The following CCDC170 variants were observed in gnomAD, a reference collection of about 807,000 sequenced individuals.
CCDC170 encodes coiled-coil domain-containing protein 170.
CCDC170 carries 69 observed loss-of-function variants against 72.6 expected under a neutral mutation model. The ratio of observed to expected loss-of-function variants is 0.95; its 90% CI spans 0.78 to 1.16. The LOEUF is 1.16. CCDC170 is among the 50% of genes most tolerant of loss of function. The pLI is 0.00. For synonymous variants in CCDC170, 300 were observed against 303.9 expected (o/e 0.99, Z 0.13); for missense variants, 852 against 832.5 (o/e 1.02, Z -0.29).
At chr6:151,509,414 T>C (rs988910382) in intron 1 of CCDC170, among the ~76,000 whole-genome samples, 2 of 152,160 alleles carry the variant, frequency 1.3e-5, no homozygotes, top group African/African-American at 4.8e-5. Context: ...CCCATGGAGG[T>C]AGATCCTGTA....
At chr6:151,510,261 TACTC>T (rs1288126301) in intron 1 of CCDC170, among the ~76,000 whole-genome samples, 2 of 152,234 alleles carry the variant, frequency 1.3e-5, no homozygotes, top group Admixed American at 6.5e-5. Context: ...TATTTACTGA[TACTC>T]AGTCACTGGG....
At chr6:151,522,997 A>G (rs568487214) in intron 1 of CCDC170, among the ~76,000 whole-genome samples, 22 of 151,970 alleles carry the variant, frequency 1.4e-4, no homozygotes, top group Non-Finnish European at 3.2e-4. Context: ...AGATCCAAGA[A>G]CCCTCTCTTG....
chr6:151,525,555 C>T (rs1036106427), intron 1 of CCDC170, among the ~76,000 whole-genome samples: 3 of 152,166 alleles, frequency 2.0e-5, no homozygotes, highest in African/African-American at 4.8e-5. Flanking sequence ...TCTCCCCACC[C>T]TTGAGAATGT....
chr6:151,557,022 T>C (rs959258483), intron 5 of CCDC170, among the ~76,000 whole-genome samples: 1 of 152,184 alleles, frequency 6.6e-6, no homozygotes, highest in Non-Finnish European at 1.5e-5. Flanking sequence ...CTCAACATAA[T>C]GACCTCTCAT....
intron 5 of CCDC170, among the ~76,000 whole-genome samples, chr6:151,556,705 C>G (rs563384301): frequency 6.6e-6 from 1 of 152,164 alleles, no homozygotes; most frequent in South Asian, 2.1e-4. Flanking sequence ...TCTTCATCAC[C>G]TCAACTATTT....
chr6:151,502,540 A>G (rs898314778), intron 1 of CCDC170, among the ~76,000 whole-genome samples: 1 of 152,210 alleles, frequency 6.6e-6, no homozygotes, highest in African/African-American at 2.4e-5. Context: ...AGAAGGAACA[A>G]TTTTAAGACT....
chr6:151,555,103 C>T (rs779550360), intron 5 of CCDC170, among the ~76,000 whole-genome samples: 2 of 151,774 alleles, frequency 1.3e-5, no homozygotes, highest in Non-Finnish European at 2.9e-5. Flanking sequence ...AGGCTGGTCT[C>T]GAACTCCTGA....
rs1776998169 is a variant in CCDC170, at chr6:151,618,056, A to G, written c.2057A>G (p.His686Arg). ...TGTCTTGAAAGATTGGTCCATTCACATCAGCATCACTTTGTTACCTGTGCC... is the reference window on the plus strand; with the variant it reads ...TGTCTTGAAAGATTGGTCCATTCACGTCAGCATCACTTTGTTACCTGTGCC... ...IKCLERLVHSHQHHFVTCACL... is the reference protein window; with the variant it reads ...IKCLERLVHSRQHHFVTCACL... Residue 686 changes from histidine to arginine, a missense_variant, in exon 11 of 11, where the codon CAT becomes CGT. By Grantham distance (29) the His-to-Arg change is conservative. Coordinates refer to ENST00000239374, the MANE Select transcript of CCDC170 (RefSeq NM_025059.4). 1 of 1,614,178 alleles carries G rather than the reference A, an allele frequency of 6.2e-7. No individual in the cohort carries two copies. Among genetic ancestry groups the G allele is most frequent in the South Asian group, 1.1e-5 (1 of 91,072 alleles).
Position 151,573,187 on chromosome 6 carries a change from C to A in CCDC170, c.788C>A (p.Ala263Asp). 6.2e-7 allele frequency: 1 copy of A among 1,613,344 alleles called. No homozygotes were observed. Among genetic ancestry groups the A allele is most frequent in the African/African-American group, 1.3e-5 (1 of 74,976 alleles). Reference protein sequence around the residue: ...KEKLNQDLLSAVEAKEALERE... With the variant: ...KEKLNQDLLSDVEAKEALERE... ...TAATCATTTTAGGACCTGCTCAGTG[C>A]TGTAGAAGCAAAAGAAGCTCTTGAA... The change falls in exon 6 of 11, where the codon GCT becomes GAT. Residue 263 changes from alanine to aspartate, a missense_variant. Ala to Asp is a moderately radical substitution (Grantham distance 126, BLOSUM62 -2). Transcript: ENST00000239374.
chr6:151,599,429 A>G (rs1024589078), intron 9 of CCDC170, among the ~76,000 whole-genome samples: 5 of 152,178 alleles, frequency 3.3e-5, no homozygotes, highest in Non-Finnish European at 5.9e-5. Context: ...GTAGAGGATG[A>G]GGATGAGTGA....
At chr6:151,534,368 T>TAA (rs111382775) in intron 1 of CCDC170, among the ~76,000 whole-genome samples, 2 of 146,258 alleles carry the variant, frequency 1.4e-5, no homozygotes, top group African/African-American at 2.5e-5. Context: ...CTTCTTTTCT[T>TAA]AAAAAAAAAA....
chr6:151,593,432 C>A, intron 8 of CCDC170, 152 bp downstream of exon 8: 1 of 842,138 alleles, frequency 1.2e-6, no homozygotes, highest in Non-Finnish European at 1.8e-6. Context: ...AATTTCAAGT[C>A]TGAAGAGTTG....
intron 1 of CCDC170, among the ~76,000 whole-genome samples, chr6:151,506,776 G>A (rs1320894292): frequency 6.6e-6 from 1 of 152,206 alleles, no homozygotes; most frequent in African/African-American, 2.4e-5. Flanking sequence ...TGAAAGTAAA[G>A]TAGATGGCCC....
At chr6:151,543,539 A>T (rs1366300021) in intron 3 of CCDC170, among the ~76,000 whole-genome samples, 1 of 152,130 alleles carries the variant, frequency 6.6e-6, no homozygotes, top group African/African-American at 2.4e-5. Context: ...GAACACTAGA[A>T]CTTACCCCTG....
At chr6:151,592,696 A>G (rs1776560677) in intron 7 of CCDC170, among the ~76,000 whole-genome samples, 2 of 152,174 alleles carry the variant, frequency 1.3e-5, no homozygotes, top group Non-Finnish European at 2.9e-5. Flanking sequence ...ATTCAGGATG[A>G]GATATGAGTG....
chr6:151,615,809 G>C (rs1335797748), intron 10 of CCDC170, 130 bp downstream of exon 10: 1 of 714,224 alleles, frequency 1.4e-6, no homozygotes, highest in East Asian at 2.5e-5. Context: ...GTATGTCATC[G>C]TTTTACGAGG....
Position 151,499,612 on chromosome 6 carries a change from A to G in CCDC170, c.57+5427A>G, listed in dbSNP as rs556880195. 1.3e-5 allele frequency among the ~76,000 whole-genome samples: 2 copies of G among 148,492 alleles called. 1 individual carries two copies. Among genetic ancestry groups the G allele is most frequent in the African/African-American group, 5.1e-5 (2 of 39,024 alleles). On this transcript the variant is annotated intron_variant, in intron 1 of 10. Coordinates refer to ENST00000239374, the MANE Select transcript of CCDC170 (RefSeq NM_025059.4). ...TATAAGTGGAATCAGACCGTATTTG[A>G]CTATTTTAGGCACGCTGCATAAGTG...
intron 6 of CCDC170, among the ~76,000 whole-genome samples, chr6:151,579,452 G>A (rs1776350942): frequency 6.6e-6 from 1 of 152,186 alleles, no homozygotes; most frequent in Non-Finnish European, 1.5e-5. Flanking sequence ...GTGCAGGAGG[G>A]CTCTCAGCTG....
At chr6:151,530,180 AT>A (rs1342270036) in intron 1 of CCDC170, among the ~76,000 whole-genome samples, 6 of 151,826 alleles carry the variant, frequency 4.0e-5, no homozygotes, top group Non-Finnish European at 8.8e-5. Context: ...GCTATGGCAG[AT>A]TTTTTGAAAA....
Sources: gnomAD v4.1 joint callset for allele counts (sites outside exome capture counted in the v4.1 genomes callset) on GRCh38, gnomAD v4.1.1 for gene constraint, MANE v1.5 for transcripts, NCBI Gene and HGNC (gene_info 2026-07-23, HGNC 2026-07-21) for gene names.